DOCK4: variants seen among roughly 807,000 people sequenced by gnomAD.
DOCK4 encodes dedicator of cytokinesis 4, also known as dedicator of cytokinesis protein 4.
Under a neutral mutation model 268.1 loss-of-function variants are expected in DOCK4, and 97 were observed. The observed-to-expected ratio is 0.36, with a 90% CI of 0.31 to 0.43. The LOEUF (loss-of-function observed/expected upper bound fraction) is 0.43, where lower values mean the gene tolerates loss of function less well. Ranked by LOEUF, DOCK4 falls within the 20% of genes least tolerant of loss-of-function variation. The pLI is 1.00. For missense variants in DOCK4, 2,145 were observed against 2,455.7 expected, an observed-to-expected ratio of 0.87 and a Z score of 2.67; for synonymous variants, 954 against 887.2, an observed-to-expected ratio of 1.08 and a Z score of -1.34.
intron 30 of DOCK4, among the ~76,000 whole-genome samples, chr7:111,804,361 C>G (rs1800514850): frequency 6.6e-6 from 1 of 152,158 alleles, no homozygotes; most frequent in South Asian, 2.1e-4. Flanking sequence ...TATGATTCCA[C>G]TTACGTGAGG....
chr7:112,166,390 C>T (rs1283187534), intron 1 of DOCK4, among the ~76,000 whole-genome samples: 7 of 152,090 alleles, frequency 4.6e-5, no homozygotes, highest in African/African-American at 1.7e-4. Flanking sequence ...CAATCTATGC[C>T]ACGAGCATAT....
At chr7:111,868,813 A>C (rs942464235) in intron 21 of DOCK4, among the ~76,000 whole-genome samples, 1 of 152,220 alleles carries the variant, frequency 6.6e-6, no homozygotes, top group Admixed American at 6.5e-5. Flanking sequence ...ACAAAAAGAT[A>C]ACTGTTTTTT....
intron 51 of DOCK4, among the ~76,000 whole-genome samples, chr7:111,734,647 G>A (rs748698702): frequency 3.9e-5 from 6 of 152,174 alleles, no homozygotes; most frequent in Non-Finnish European, 8.8e-5. Flanking sequence ...GTTAGTCAAT[G>A]GCTATTTAGA....
Position 111,825,551 on chromosome 7 carries a change from G to A in DOCK4, c.2836-3095C>T, listed in dbSNP as rs1373971140. Among the ~76,000 whole-genome samples, 5 of 152,184 alleles carry A rather than the reference G, an allele frequency of 3.3e-5. No individual in the cohort carries two copies. In the South Asian group the frequency reaches 1.0e-3, roughly 32 times the overall value. Reference sequence around the variant, plus strand: ...ATAATTTGAAAAAGAACATTGCCATGCCTATAATATTCCTGCTTGGACAGC... The same window carrying A: ...ATAATTTGAAAAAGAACATTGCCATACCTATAATATTCCTGCTTGGACAGC... On this transcript the variant is annotated intron_variant, in intron 26 of 52. Coordinates refer to ENST00000428084, the MANE Select transcript of DOCK4 (RefSeq NM_001363540.2).
chr7:111,801,652 C>G (rs1402276521), intron 30 of DOCK4: 1 of 151,782 alleles, frequency 6.6e-6, no homozygotes, highest in African/African-American at 2.4e-5. Flanking sequence ...AGCAAGAATA[C>G]CTCAAAAGAA....
chr7:112,081,542 T>A (rs1808585143), intron 1 of DOCK4, among the ~76,000 whole-genome samples: 1 of 152,182 alleles, frequency 6.6e-6, no homozygotes, highest in African/African-American at 2.4e-5. Context: ...TCAAGTGGGA[T>A]TCTTCTAGAA....
At chr7:111,748,211 T>C (rs958539182) in intron 42 of DOCK4, among the ~76,000 whole-genome samples, 1 of 152,150 alleles carries the variant, frequency 6.6e-6, no homozygotes, top group Non-Finnish European at 1.5e-5. Flanking sequence ...TAAATATTGG[T>C]TCATTCAGGC....
rs1794682164 is a variant in DOCK4 at position 111,935,648 on chromosome 7, C to T, written c.978-20G>A. 6.3e-7 allele frequency: 1 copy of T among 1,599,518 alleles called. No homozygotes were observed. The highest frequency in any genetic ancestry group is 1.7e-5 in the Admixed American group (1 of 59,934). On this transcript the variant is annotated intron_variant, in intron 11 of 52. Transcript: ENST00000428084. ...TTACACCTATGAAAACATTAACACT[C>T]TGTTAAGCTTTAATGATGCATGCAG...
intron 1 of DOCK4, among the ~76,000 whole-genome samples, chr7:112,111,759 C>T (rs939380098): frequency 4.6e-5 from 7 of 152,242 alleles, no homozygotes; most frequent in Middle Eastern, 3.4e-3. Flanking sequence ...TAGGACCTGC[C>T]GGCCTAACCT....
At chr7:112,162,156 C>T (rs1397556604) in intron 1 of DOCK4, among the ~76,000 whole-genome samples, 1 of 152,124 alleles carries the variant, frequency 6.6e-6, no homozygotes, top group Non-Finnish European at 1.5e-5. Context: ...AGCGTGAAGC[C>T]TCATTTATCT....
chr7:111,915,765 C>A lies in DOCK4; in HGVS notation c.1192+14G>T. 2.5e-6 allele frequency: 4 copies of A among 1,612,186 alleles called. No individual in the cohort carries two copies. The highest frequency in any genetic ancestry group is 3.4e-6 in the Non-Finnish European group (4 of 1,179,268). ...CCCATATTTCATCATATCGGTACGTCCCAAGTCACCTACCAGGCATAATAA... is the reference window on the plus strand; with the variant it reads ...CCCATATTTCATCATATCGGTACGTACCAAGTCACCTACCAGGCATAATAA... On this transcript the variant is annotated intron_variant, in intron 13 of 52. Coordinates refer to ENST00000428084, the MANE Select transcript of DOCK4 (RefSeq NM_001363540.2).
At chr7:111,861,923 T>C (rs1805568231) in intron 23 of DOCK4, among the ~76,000 whole-genome samples, 1 of 152,004 alleles carries the variant, frequency 6.6e-6, no homozygotes, top group Non-Finnish European at 1.5e-5. Context: ...AACCATAATC[T>C]CTGATAGTGG....
At chr7:112,029,836 CA>C in intron 1 of DOCK4, among the ~76,000 whole-genome samples, 1 of 152,220 alleles carries the variant, frequency 6.6e-6, no homozygotes, top group South Asian at 2.1e-4. Context: ...ATTATTTGTG[CA>C]AAATATGGCT....
chr7:111,728,713 A>T lies in DOCK4; in HGVS notation c.5489T>A (p.Val1830Glu). 3 of 1,610,044 alleles carry T rather than the reference A, an allele frequency of 1.9e-6. No homozygotes were observed. Among genetic ancestry groups the T allele is most frequent in the Non-Finnish European group, 2.5e-6 (3 of 1,177,854 alleles). The stretch of plus-strand genomic sequence containing the variant: ...CACTGGAGAGGGGGTGAAAGACTGC[A>T]CAGAGCCCTGCTCCGGGGAGAAGGA... ...PAGRSPLKGSVQSFTPSPVEY... is the reference protein window; with the variant it reads ...PAGRSPLKGSEQSFTPSPVEY... Residue 1830 changes from valine to glutamate, a missense_variant, in exon 53 of 53, where the codon GTG becomes GAG. By Grantham distance (121) the Val-to-Glu change is moderately radical (BLOSUM62 -2). This residue lies in a region of DOCK4 where 547 missense variants were observed against 469.0 expected (regional missense o/e 1.17). Coordinates refer to ENST00000428084, the MANE Select transcript of DOCK4 (RefSeq NM_001363540.2).
At chr7:112,096,723 T>C (rs1193883130) in intron 1 of DOCK4, among the ~76,000 whole-genome samples, 1 of 152,026 alleles carries the variant, frequency 6.6e-6, no homozygotes, top group Non-Finnish European at 1.5e-5. Flanking sequence ...CTAGAATGAG[T>C]GAGATTTGGT....
intron 26 of DOCK4, among the ~76,000 whole-genome samples, chr7:111,832,463 A>G (rs1802906700): frequency 6.6e-6 from 1 of 152,170 alleles, no homozygotes; most frequent in Non-Finnish European, 1.5e-5. Context: ...GAGTTGCTCA[A>G]TATCCACTTC....
intron 21 of DOCK4, 72 bp from the exon 22 acceptor site, chr7:111,868,226 A>G (rs780455355): frequency 3.3e-6 from 4 of 1,208,476 alleles, no homozygotes; most frequent in Non-Finnish European, 4.6e-6. Flanking sequence ...GACACGGCAT[A>G]AAAACCATGG....
intron 15 of DOCK4, 28 bp downstream of exon 15, chr7:111,900,346 C>T: frequency 6.2e-7 from 1 of 1,607,072 alleles, no homozygotes; most frequent in South Asian, 1.1e-5. Flanking sequence ...ACAATAGACA[C>T]AGGTAGCCAA....
At chr7:112,039,668 T>C (rs947427568) in intron 1 of DOCK4, among the ~76,000 whole-genome samples, 1 of 152,132 alleles carries the variant, frequency 6.6e-6, no homozygotes, top group African/African-American at 2.4e-5. Context: ...GACAGAACTA[T>C]GTTTAAAAAC....
Sources: gnomAD v4.1 joint callset for allele counts (sites outside exome capture counted in the v4.1 genomes callset) on GRCh38, gnomAD v4.1.1 for gene constraint, gnomAD v4.1.1 regional missense constraint, MANE v1.5 for transcripts, NCBI Gene and HGNC (gene_info 2026-07-23, HGNC 2026-07-21) for gene names.